ZNF518B: variants seen among roughly 807,000 people sequenced by gnomAD.
The protein encoded by ZNF518B is zinc finger protein 518B.
In ZNF518B, 23 loss-of-function variants were observed where a neutral mutation model predicts 56.3. The ratio of observed to expected loss-of-function variants is 0.41; its 90% confidence interval spans 0.29 to 0.58. The LOEUF is 0.58. Ranked by LOEUF, ZNF518B falls within the 20% of genes least tolerant of loss-of-function variation. ZNF518B has a pLI of 0.32. For missense variants in ZNF518B, 1,460 were observed against 1,272.1 expected (o/e 1.15, Z -2.25); for synonymous variants, 529 against 465.9 (o/e 1.14, Z -1.74).
At chr4:10,458,878 C>G (rs556005867), upstream of ZNF518B, among the ~76,000 whole-genome samples, 4 of 152,246 alleles carry the variant, frequency 2.6e-5, no homozygotes, top group East Asian at 7.7e-4. Context: ...ATTGGAGAAT[C>G]TGAGGTCTAG....
rs757416797 is a variant in ZNF518B at position 10,445,553 on chromosome 4, T to C, written c.776A>G (p.Gln259Arg). ...TGCATGGAGAGAGAAACCTGACAGT[T>C]GGTCTGACCACTTATTTTGAAATGT... ...RTTFQNKWSD[Q>R]LSGFSLHANK... The change falls in exon 3 of 3, where the codon CAA becomes CGA. Residue 259 changes from glutamine (Q) to arginine (R), a missense_variant. Transcript: ENST00000326756. The C allele has an allele frequency of 6.2e-7, 1 of 1,614,202 alleles. No homozygotes were observed. The highest frequency in any genetic ancestry group is 1.7e-5 in the Admixed American group (1 of 60,026).
chr4:10,446,130 G>C lies in ZNF518B; in HGVS notation c.199C>G (p.His67Asp). ...TGCAAATCTTGAAGAGAGATCTTGT[G>C]AACACTTTTGCACTTTGCACATGTA... is the stretch of plus-strand genomic sequence containing the variant. ...IATCAKCKSVHKISLQDLQKG... is the reference protein window; with the variant it reads ...IATCAKCKSVDKISLQDLQKG... The change falls in exon 3 of 3, where the codon CAC becomes GAC. Residue 67 changes from histidine (H) to aspartate (D), a missense_variant. By Grantham distance (81) the His-to-Asp change is moderately conservative. Transcript: ENST00000326756. 1 of 1,614,184 alleles carries C rather than the reference G, an allele frequency of 6.2e-7. No homozygotes were observed. The highest frequency in any genetic ancestry group is 8.5e-7 in the Non-Finnish European group (1 of 1,180,040).
chr4:10,442,963 A>AGG lies in ZNF518B; in HGVS notation c.*140_*141insCC. 4.0e-6 allele frequency: 3 copies of AGG among 755,084 alleles called. No individual in the cohort carries two copies. The highest frequency in any genetic ancestry group is 6.2e-6 in the Non-Finnish European group (3 of 483,608). 46.8% of individuals were successfully genotyped at this position (755,084 alleles called of 1,614,324 possible). A position where few individuals can be genotyped will look rare whatever the true frequency, so the allele number is the denominator to read the frequency against. Reference sequence around the variant, plus strand: ...TCACATACTTCAGGTTCAGACTCCTAGCTCCCAATATTCCTACAGTTCTGA... The same window carrying AGG: ...TCACATACTTCAGGTTCAGACTCCTAGGGCTCCCAATATTCCTACAGTTCTGA... On this transcript the variant is annotated 3_prime_UTR_variant, in exon 3 of 3. Transcript: ENST00000326756.
Position 10,444,498 on chromosome 4 carries a change from G to A in ZNF518B, c.1831C>T (p.Pro611Ser). The A allele has an allele frequency of 4.3e-6, 7 of 1,614,088 alleles. No homozygotes were observed. Among genetic ancestry groups the A allele is most frequent in the Non-Finnish European group, 5.9e-6 (7 of 1,180,012 alleles). ...NITGEDRSQQPGDKPLELKNS... is the reference protein window; with the variant it reads ...NITGEDRSQQSGDKPLELKNS... The stretch of plus-strand genomic sequence containing the variant: ...TTTAATTCCAAAGGCTTATCCCCAG[G>A]CTGTTGAGATCTATCTTCTCCAGTT... Residue 611 changes from proline (P) to serine (S), a missense_variant, in exon 3 of 3, where the codon CCT becomes TCT. Pro to Ser is a moderately conservative substitution (Grantham distance 74). Coordinates refer to ENST00000326756, the MANE Select transcript of ZNF518B (RefSeq NM_053042.3).
chr4:10,445,972 A>G lies in ZNF518B; in HGVS notation c.357T>C (p.Ser119=). The G allele has an allele frequency of 6.2e-7, 1 of 1,614,206 alleles. No homozygotes were observed. The highest frequency in any genetic ancestry group is 8.5e-7 in the Non-Finnish European group (1 of 1,180,042). The part of the protein sequence containing the change: ...HVGNKTENFS[S]SVNSKFKVRN... The stretch of plus-strand genomic sequence containing the variant: ...TTACCTTAAATTTGCTATTGACAGA[A>G]CTTGAGAAGTTTTCAGTTTTATTTC... The change falls in exon 3 of 3, where the codon AGT becomes AGC. Residue 119 remains serine (S), a synonymous_variant. Transcript: ENST00000326756.
Position 10,445,942 on chromosome 4 carries a change from G to A in ZNF518B, c.387C>T (p.Asn129=), listed in dbSNP as rs762429368. ...CACAATAGTATTTGCCTGGCTTAAA[G>A]TTCCTTACCTTAAATTTGCTATTGA... ...SSVNSKFKVR[N]FKPGKYYCDK... Residue 129 remains asparagine, a synonymous_variant, in exon 3 of 3, where the codon AAC becomes AAT. Coordinates refer to ENST00000326756, the MANE Select transcript of ZNF518B (RefSeq NM_053042.3). 2 of 1,614,208 alleles carry A rather than the reference G, an allele frequency of 1.2e-6. No individual in the cohort carries two copies.
chr4:10,455,447 G>A (rs1715487195), intron 1 of ZNF518B, among the ~76,000 whole-genome samples: 2 of 152,196 alleles, frequency 1.3e-5, no homozygotes, highest in African/African-American at 4.8e-5. Context: ...TTTGGCCAAG[G>A]AAGGCACTCA....
chr4:10,458,147 C>T (rs1234437778), upstream of ZNF518B, among the ~76,000 whole-genome samples: 3 of 152,000 alleles, frequency 2.0e-5, no homozygotes, highest in Non-Finnish European at 2.9e-5. Context: ...ATCTACGGTC[C>T]GGAAGGAAGA....
At chr4:10,457,231 C>G (rs1489675435) in intron 1 of ZNF518B, 86 bp downstream of exon 1, 1 of 150,626 alleles carries the variant, frequency 6.6e-6, no homozygotes, top group Non-Finnish European at 1.5e-5. Flanking sequence ...CCCCGCCCCG[C>G]GCGCCCCCAC....
Position 10,444,282 on chromosome 4 carries a change from C to T in ZNF518B, c.2047G>A (p.Ala683Thr), listed in dbSNP as rs749204897. 1.9e-6 allele frequency: 3 copies of T among 1,614,158 alleles called. No individual in the cohort carries two copies. The highest frequency in any genetic ancestry group is 1.1e-5 in the South Asian group (1 of 91,082). ...GAGCGACGATGTGCACTATTTGAAG[C>T]CAAAGATGACGGCTTCCCACAGGAC... ...IESCGKPSSL[A>T]SNSAHRRSVG... The change falls in exon 3 of 3, where the codon GCT becomes ACT. Residue 683 changes from alanine (A) to threonine (T), a missense_variant. By Grantham distance (58) the Ala-to-Thr change is moderately conservative. Transcript: ENST00000326756.
chr4:10,448,295 C>G (rs1267427693), intron 2 of ZNF518B, among the ~76,000 whole-genome samples: 2 of 152,140 alleles, frequency 1.3e-5, no homozygotes, highest in Admixed American at 6.5e-5. Flanking sequence ...GGTGGCAACA[C>G]AGGTAGCTTC....
chr4:10,443,779 C>T lies in ZNF518B; in HGVS notation c.2550G>A (p.Glu850=). The T allele has an allele frequency of 6.2e-7, 1 of 1,614,214 alleles. No individual in the cohort carries two copies. ...ETPLRPKLRK[E]SAVCSTIHRK... ...TATGGATGGTGCTACAGACAGCACT[C>T]TCTTTTCTCAGTTTAGGCCGCAGAG... is the stretch of plus-strand genomic sequence containing the variant. Residue 850 remains glutamate (E), a synonymous_variant, in exon 3 of 3, where the codon GAG becomes GAA. Transcript: ENST00000326756.
intron 1 of ZNF518B, among the ~76,000 whole-genome samples, chr4:10,456,840 G>C (rs1003802661): frequency 2.6e-5 from 4 of 152,268 alleles, no homozygotes; most frequent in Non-Finnish European, 5.9e-5. Context: ...CGGCGCGGAC[G>C]GTAGGAGCCC....
In ZNF518B at chr4:10,446,454, T is replaced by C. The variant is rs1715060888; in HGVS notation, c.-126A>G. On this transcript the variant is annotated 5_prime_UTR_variant, in exon 3 of 3. It removes the in-frame stop codon of an upstream open reading frame in the 5' UTR. Coordinates refer to ENST00000326756, the MANE Select transcript of ZNF518B (RefSeq NM_053042.3). ...GCGCAGCTACTTCTTGGGTGCATACTTAATTATCTTTCTTTATATACTGCC... is the reference window on the plus strand; with the variant it reads ...GCGCAGCTACTTCTTGGGTGCATACCTAATTATCTTTCTTTATATACTGCC... The C allele has an allele frequency of 1.2e-6, 1 of 849,170 alleles. No individual in the cohort carries two copies. Among genetic ancestry groups the C allele is most frequent in the Admixed American group, 2.6e-5 (1 of 38,550 alleles). 52.6% of individuals were successfully genotyped at this position (849,170 alleles called of 1,614,324 possible). A position where few individuals can be genotyped will look rare whatever the true frequency, so the allele number is the denominator to read the frequency against.
At chr4:10,448,242 C>T (rs1039533173) in intron 2 of ZNF518B, among the ~76,000 whole-genome samples, 44 of 152,248 alleles carry the variant, frequency 2.9e-4, no homozygotes, top group African/African-American at 9.4e-4. Context: ...TGTCAAGAGG[C>T]ACCCAGAGGG....
In ZNF518B at chr4:10,444,133, A is replaced by T; in HGVS notation, c.2196T>A (p.Gly732=). 9.9e-6 allele frequency: 16 copies of T among 1,614,232 alleles called. No homozygotes were observed. Among genetic ancestry groups the T allele is most frequent in the Non-Finnish European group, 1.2e-5 (14 of 1,180,036 alleles). The change falls in exon 3 of 3, where the codon GGT becomes GGA. Residue 732 remains glycine, a synonymous_variant. Coordinates refer to ENST00000326756, the MANE Select transcript of ZNF518B (RefSeq NM_053042.3). ...GTLQKPPNDG[G]ITGNRQLTHQ... The stretch of plus-strand genomic sequence containing the variant: ...GAGTAAGCTGTCTATTACCAGTAAT[A>T]CCACCATCATTCGGAGGTTTCTGAA...
intron 1 of ZNF518B, among the ~76,000 whole-genome samples, chr4:10,456,192 GTTT>G (rs563881387): frequency 6.8e-6 from 1 of 146,718 alleles, no homozygotes; most frequent in East Asian, 2.0e-4. Flanking sequence ...ATGCTCTGTA[GTTT>G]TTTTTTTTAA....
Position 10,445,384 on chromosome 4 carries a change from C to T in ZNF518B, c.945G>A (p.Val315=). Residue 315 remains valine, a synonymous_variant, in exon 3 of 3, where the codon GTG becomes GTA. Transcript: ENST00000326756. ...LFENKNVEVE[V]LSPAKEPVQP... Reference sequence around the variant, plus strand: ...GAACAGGTTCTTTTGCAGGGGATAACACTTCTACTTCAACATTTTTGTTCT... The same window carrying T: ...GAACAGGTTCTTTTGCAGGGGATAATACTTCTACTTCAACATTTTTGTTCT... The T allele has an allele frequency of 1.2e-6, 2 of 1,614,238 alleles. No individual in the cohort carries two copies. The highest frequency in any genetic ancestry group is 1.3e-5 in the African/African-American group (1 of 75,078).
chr4:10,445,414 T>C lies in ZNF518B; in HGVS notation c.915A>G (p.Leu305=). Residue 305 remains leucine, a synonymous_variant, in exon 3 of 3, where the codon CTA becomes CTG. Transcript: ENST00000326756. ...MTLSEPNEVN[L]FENKNVEVEV... is the part of the protein sequence containing the mutation. ...CTACTTCAACATTTTTGTTCTCAAA[T>C]AGGTTGACTTCATTTGGCTCAGACA... 6.2e-7 allele frequency: 1 copy of C among 1,614,246 alleles called. No homozygotes were observed. Among genetic ancestry groups the C allele is most frequent in the Non-Finnish European group, 8.5e-7 (1 of 1,180,034 alleles).
Sources: allele counts gnomAD v4.1 joint callset (sites outside exome capture counted in the v4.1 genomes callset), GRCh38; gene constraint gnomAD v4.1.1; transcripts MANE v1.5; gene names NCBI Gene and HGNC (gene_info 2026-07-23, HGNC 2026-07-21).